KLF8: variants seen among roughly 807,000 people sequenced by gnomAD.
KLF8 encodes KLF transcription factor 8.
KLF8 carries 10 observed loss-of-function variants against 18.2 expected under a neutral mutation model. The ratio of observed to expected loss-of-function variants is 0.55; its 90% CI spans 0.34 to 0.93. The LOEUF is 0.93. Among genes scored for constraint, KLF8 ranks in the 40% least tolerant of loss-of-function variants. The pLI is 0.02. For synonymous variants in KLF8, 109 were observed against 97.3 expected (o/e 1.12, Z -0.71); for missense variants, 264 against 277.9 (o/e 0.95, Z 0.36).
chrX:55,922,165 C>T, the KLF8 span, among the ~76,000 whole-genome samples: 1 of 112,676 alleles, frequency 8.9e-6, no homozygotes, highest in South Asian at 3.7e-4. Context: ...TACATGCATA[C>T]GTATGTTCAT....
the KLF8 span, among the ~76,000 whole-genome samples, chrX:56,157,098 G>T: frequency 9.3e-6 from 1 of 107,517 alleles, no homozygotes; most frequent in East Asian, 3.1e-4. Flanking sequence ...CATGGATGAA[G>T]CTGGAAACCA....
chrX:56,067,076 T>C, the KLF8 span, among the ~76,000 whole-genome samples: 16 of 108,830 alleles, frequency 1.5e-4, no homozygotes, highest in Non-Finnish European at 2.9e-4. Flanking sequence ...GTTTTCTGTC[T>C]TTTTTCTGTT....
At chrX:56,137,795 A>G in the KLF8 span, among the ~76,000 whole-genome samples, 5 of 109,498 alleles carry the variant, frequency 4.6e-5, no homozygotes, top group Non-Finnish European at 9.5e-5. Flanking sequence ...AAAAAGAAAA[A>G]AGAAAAACAA....
At chrX:56,207,112 C>T in the KLF8 span, among the ~76,000 whole-genome samples, 4 of 112,566 alleles carry the variant, frequency 3.6e-5, no homozygotes, top group Non-Finnish European at 7.5e-5. Context: ...CACAAAGCAG[C>T]AAGGCCCTGG....
the KLF8 span, among the ~76,000 whole-genome samples, chrX:55,914,935 C>A: frequency 9.0e-6 from 1 of 110,955 alleles, no homozygotes; most frequent in Non-Finnish European, 1.9e-5. Flanking sequence ...ATTGCATAAA[C>A]AGCTGCTTTC....
At chrX:55,967,240 G>A in the KLF8 span, among the ~76,000 whole-genome samples, 1 of 111,654 alleles carries the variant, frequency 9.0e-6, no homozygotes, top group Middle Eastern at 4.2e-3. Flanking sequence ...CCTAAGGAAA[G>A]ATATTAATAT....
At chrX:56,270,399 AGG>A (rs1363923486) in intron 5 of KLF8, 78 bp downstream of exon 5, 161 of 964,378 alleles carry the variant, frequency 1.7e-4, no homozygotes, top group Non-Finnish European at 4.3e-5. Flanking sequence ...AGAGAGAGAG[AGG>A]GGCAGAGAGA....
At chrX:56,076,282 C>T in the KLF8 span, among the ~76,000 whole-genome samples, 4 of 77,463 alleles carry the variant, frequency 5.2e-5, no homozygotes, top group African/African-American at 2.0e-4. Context: ...CAATGCTATC[C>T]CTCCGCCCTC....
chrX:56,054,117 A>G, the KLF8 span, among the ~76,000 whole-genome samples: 1 of 94,211 alleles, frequency 1.1e-5, no homozygotes, highest in Non-Finnish European at 1.9e-5. Context: ...CTTTCTTTTT[A>G]TTTATTTATT....
At chrX:56,040,439 T>C in the KLF8 span, among the ~76,000 whole-genome samples, 8 of 112,119 alleles carry the variant, frequency 7.1e-5, no homozygotes, top group Non-Finnish European at 1.3e-4. Context: ...CAAGAAGGAA[T>C]GTTGAATTTT....
chrX:55,946,367 G>C, the KLF8 span, among the ~76,000 whole-genome samples: 4 of 111,455 alleles, frequency 3.6e-5, no homozygotes, highest in African/African-American at 9.8e-5. Context: ...ACAAACCTGA[G>C]AAAAACAAGA....
chrX:56,237,916 G>A (rs991883572), intron 1 of KLF8, among the ~76,000 whole-genome samples: 14 of 111,839 alleles, frequency 1.3e-4, no homozygotes, highest in African/African-American at 4.6e-4. Context: ...GGAGGAGAAA[G>A]AGTGAATTCT....
the KLF8 span, among the ~76,000 whole-genome samples, chrX:55,983,009 C>T: frequency 9.0e-6 from 1 of 111,435 alleles, no homozygotes; most frequent in Non-Finnish European, 1.9e-5. Context: ...TTCAAGTCAA[C>T]GTGGAAATCT....
chrX:56,069,916 A>T, the KLF8 span, among the ~76,000 whole-genome samples: 59,176 of 111,525 alleles, frequency 0.53, 13,765 homozygotes, highest in East Asian at 0.74. Context: ...TACCCAAAGG[A>T]TTATCAATCA....
chrX:55,921,774 T>TA, the KLF8 span, among the ~76,000 whole-genome samples: 27 of 111,296 alleles, frequency 2.4e-4, no homozygotes, highest in Non-Finnish European at 4.9e-4. Context: ...TGTACAAGAA[T>TA]AAAAAAACCC....
the KLF8 span, among the ~76,000 whole-genome samples, chrX:56,212,092 G>A: frequency 1.8e-5 from 2 of 111,466 alleles, no homozygotes; most frequent in African/African-American, 6.5e-5. Context: ...GGCCCACGAT[G>A]TGTCTACAAA....
At chrX:56,178,037 C>G in the KLF8 span, among the ~76,000 whole-genome samples, 10 of 112,002 alleles carry the variant, frequency 8.9e-5, no homozygotes, top group East Asian at 2.0e-3. Flanking sequence ...TTCCCTGACC[C>G]CTTGTGCTTC....
At chrX:56,051,845 A>G in the KLF8 span, among the ~76,000 whole-genome samples, 2 of 107,397 alleles carry the variant, frequency 1.9e-5, no homozygotes, top group African/African-American at 3.7e-5. Context: ...GTTCTCCTGG[A>G]TAATACCCTG....
At chrX:56,132,015 G>C in the KLF8 span, among the ~76,000 whole-genome samples, 3 of 111,603 alleles carry the variant, frequency 2.7e-5, no homozygotes, top group Non-Finnish European at 5.7e-5. Flanking sequence ...CCTATGAAAT[G>C]ACAGATGGCA....
Sources: gnomAD v4.1 joint callset for allele counts (sites outside exome capture counted in the v4.1 genomes callset) on GRCh38, gnomAD v4.1.1 for gene constraint, MANE v1.5 for transcripts, NCBI Gene and HGNC (gene_info 2026-07-23, HGNC 2026-07-21) for gene names.